Variants in HPSE2 observed in about 807,000 individuals in gnomAD.
HPSE2 encodes the protein inactive heparanase-2.
In HPSE2, 38 loss-of-function variants were observed where a neutral mutation model predicts 60.5. The ratio of observed to expected loss-of-function variants is 0.63; its 90% CI spans 0.48 to 0.82. The LOEUF is 0.82. HPSE2 is among the 40% of genes least tolerant of loss of function. HPSE2 has a pLI of 0.00. For synonymous variants in HPSE2, 295 were observed against 293.2 expected (o/e 1.01, Z -0.06); for missense variants, 713 against 740.4 (o/e 0.96, Z 0.43).
chr10:98,494,791 T>C (rs1196853443), intron 9 of HPSE2, among the ~76,000 whole-genome samples: 3 of 152,166 alleles, frequency 2.0e-5, no homozygotes, highest in African/African-American at 7.2e-5. Flanking sequence ...AAACAAAAAT[T>C]GGAGTTACAA....
At chr10:99,127,971 C>T (rs1338837055) in intron 3 of HPSE2, among the ~76,000 whole-genome samples, 1 of 152,152 alleles carries the variant, frequency 6.6e-6, no homozygotes, top group African/African-American at 2.4e-5. Flanking sequence ...GCCAGCACTA[C>T]AAGAAATGCG....
chr10:98,658,304 T>G (rs921895142), intron 6 of HPSE2, among the ~76,000 whole-genome samples: 1 of 152,260 alleles, frequency 6.6e-6, no homozygotes, highest in Non-Finnish European at 1.5e-5. Flanking sequence ...CATAAATGAA[T>G]GAGCATAGCT....
At chr10:98,690,448 G>A (rs1948048526) in intron 6 of HPSE2, among the ~76,000 whole-genome samples, 1 of 152,192 alleles carries the variant, frequency 6.6e-6, no homozygotes, top group African/African-American at 2.4e-5. Flanking sequence ...GGCTGAGGCA[G>A]GAGAATGGCA....
intron 9 of HPSE2, among the ~76,000 whole-genome samples, chr10:98,605,760 G>C (rs1025102909): frequency 1.3e-5 from 2 of 152,224 alleles, no homozygotes; most frequent in Admixed American, 1.3e-4. Flanking sequence ...GCTAAACTTT[G>C]CTGAGCAGTG....
At chr10:99,240,882 A>C in the HPSE2 span, among the ~76,000 whole-genome samples, 1 of 152,174 alleles carries the variant, frequency 6.6e-6, no homozygotes, top group Non-Finnish European at 1.5e-5. Flanking sequence ...GTCTAATAGA[A>C]ATTTTAAAAA....
intron 2 of HPSE2, among the ~76,000 whole-genome samples, chr10:99,179,730 A>C (rs1847681000): frequency 6.7e-6 from 1 of 149,728 alleles, no homozygotes; most frequent in Admixed American, 6.8e-5. Flanking sequence ...GCTACCACTG[A>C]CTTTCTTCAC....
the HPSE2 span, among the ~76,000 whole-genome samples, chr10:99,259,985 T>C: frequency 6.6e-6 from 1 of 152,152 alleles, no homozygotes; most frequent in African/African-American, 2.4e-5. Context: ...AGAAAAACTG[T>C]CTTCCACTAA....
chr10:98,516,030 C>G (rs1942590180), intron 9 of HPSE2, among the ~76,000 whole-genome samples: 1 of 152,216 alleles, frequency 6.6e-6, no homozygotes, highest in African/African-American at 2.4e-5. Flanking sequence ...TGATCTCCAT[C>G]CCTTACAGCA....
chr10:98,716,077 G>T (rs1948782319), intron 5 of HPSE2, among the ~76,000 whole-genome samples: 2 of 151,994 alleles, frequency 1.3e-5, no homozygotes, highest in African/African-American at 4.8e-5. Flanking sequence ...TTTCAACACT[G>T]TTCAGAGAAT....
intron 10 of HPSE2, among the ~76,000 whole-genome samples, chr10:98,488,761 G>A (rs953434112): frequency 6.6e-6 from 1 of 152,176 alleles, no homozygotes; most frequent in African/African-American, 2.4e-5. Flanking sequence ...ATAACTCCAG[G>A]CCAAGGCCAT....
chr10:98,568,472 G>A (rs1459954384), intron 9 of HPSE2, among the ~76,000 whole-genome samples: 1 of 152,158 alleles, frequency 6.6e-6, no homozygotes, highest in South Asian at 2.1e-4. Flanking sequence ...TAGGAGGGAT[G>A]GGTAGACAAA....
chr10:98,624,088 T>C (rs763182486), intron 7 of HPSE2, among the ~76,000 whole-genome samples: 21 of 152,186 alleles, frequency 1.4e-4, no homozygotes, highest in Non-Finnish European at 2.5e-4. Context: ...CAAGCAGAGT[T>C]CTAGTGGTGG....
At chr10:99,235,915 C>T (rs1849828449), upstream of HPSE2, 1 of 809,136 alleles carries the variant, frequency 1.2e-6, no homozygotes, top group African/African-American at 1.7e-5. Flanking sequence ...CCCTTCCTCC[C>T]ACCACCCCCC....
At position 98,939,172 on chromosome 10, in the gene HPSE2, ATCAACT is replaced by A. The variant is rs1001280768; in HGVS notation, c.611-195122_611-195117del. Among the ~76,000 whole-genome samples, 4 of 143,978 alleles carry A rather than the reference ATCAACT, an allele frequency of 2.8e-5. 1 individual carries two copies. The highest frequency in any genetic ancestry group is 1.1e-4 in the African/African-American group (4 of 35,398). 94.5% of individuals were successfully genotyped at this position (143,978 alleles called of 152,430 possible). ...ACCATCGAGGCTAGGAAGAAACTGC[ATCAACT>A]AACGAGCAAAATAACCAGCTAACAT... On this transcript the variant is annotated intron_variant, in intron 3 of 11. Coordinates refer to ENST00000370552, the MANE Select transcript of HPSE2 (RefSeq NM_021828.5).
At chr10:98,774,633 C>A (rs2801394) in intron 3 of HPSE2, among the ~76,000 whole-genome samples, 1 of 151,962 alleles carries the variant, frequency 6.6e-6, no homozygotes, top group Non-Finnish European at 1.5e-5. Context: ...CATGGGGCTG[C>A]TCAGGAAAAA....
intron 3 of HPSE2, among the ~76,000 whole-genome samples, chr10:99,132,449 G>A (rs961331361): frequency 3.3e-5 from 5 of 152,096 alleles, no homozygotes; most frequent in African/African-American, 1.2e-4. Context: ...GGGGATTGCT[G>A]GCAAGATGGC....
At chr10:98,479,184 C>T (rs1330522469) in intron 11 of HPSE2, among the ~76,000 whole-genome samples, 1 of 152,184 alleles carries the variant, frequency 6.6e-6, no homozygotes, top group Non-Finnish European at 1.5e-5. Flanking sequence ...TCCTGAAACA[C>T]TAGACCAGAA....
chr10:98,978,674 T>C lies in HPSE2; in HGVS notation c.610+165564A>G, dbSNP rs186185520. Among the ~76,000 whole-genome samples, 554 of 152,316 alleles carry C rather than the reference T, an allele frequency of 3.6e-3. 5 individuals are homozygous for C. Among genetic ancestry groups the C allele is most frequent in the South Asian group, 0.014 (68 of 4,832 alleles). Reference sequence around the variant, plus strand: ...ATACAGTATTAAAGCATGTGACAACTTTATTCTTACTAATTACTACATTCT... The same window carrying C: ...ATACAGTATTAAAGCATGTGACAACCTTATTCTTACTAATTACTACATTCT... On this transcript the variant is annotated intron_variant, in intron 3 of 11. Transcript: ENST00000370552.
At chr10:98,837,717 A>G (rs1018870519) in intron 3 of HPSE2, among the ~76,000 whole-genome samples, 10 of 135,254 alleles carry the variant, frequency 7.4e-5, no homozygotes, top group Non-Finnish European at 3.0e-5. Flanking sequence ...TACTAAAAAT[A>G]AAAAAAATTA....
Sources: allele counts gnomAD v4.1 joint callset (sites outside exome capture counted in the v4.1 genomes callset), GRCh38; gene constraint gnomAD v4.1.1; transcripts MANE v1.5; gene names NCBI Gene and HGNC (gene_info 2026-07-23, HGNC 2026-07-21).